The following CAAP1 variants were observed in gnomAD, a reference collection of about 807,000 sequenced individuals.
CAAP1 encodes the protein caspase activity and apoptosis inhibitor 1.
In CAAP1, 20 loss-of-function variants were observed where a neutral mutation model predicts 34.0. The observed-to-expected ratio is 0.59, with a 90% CI of 0.41 to 0.86. CAAP1 has a LOEUF of 0.86. Ranked by LOEUF, CAAP1 falls within the 40% of genes least tolerant of loss-of-function variation. The pLI, the probability that CAAP1 is intolerant of heterozygous loss-of-function variation, is 0.00. For missense variants in CAAP1, 538 were observed against 450.5 expected (o/e 1.19, Z -1.76); for synonymous variants, 213 against 166.7 (o/e 1.28, Z -2.14).
chr9:26,891,025 A>G (rs1230536079), intron 1 of CAAP1, among the ~76,000 whole-genome samples: 1 of 152,228 alleles, frequency 6.6e-6, no homozygotes, highest in Non-Finnish European at 1.5e-5. Flanking sequence ...TCAACAAACC[A>G]AACAGCACTT....
intron 5 of CAAP1, among the ~76,000 whole-genome samples, chr9:26,844,142 G>T (rs181840505): frequency 6.6e-6 from 1 of 152,266 alleles, no homozygotes; most frequent in Admixed American, 6.5e-5. Flanking sequence ...CAGATCACCT[G>T]GGGTCAGGAG....
At chr9:26,868,079 G>C (rs996476278) in intron 4 of CAAP1, among the ~76,000 whole-genome samples, 3 of 152,134 alleles carry the variant, frequency 2.0e-5, no homozygotes, top group Admixed American at 6.5e-5. Context: ...ATACAACTCT[G>C]CTTTTATTTG....
chr9:26,868,890 G>C (rs529129868), intron 4 of CAAP1, among the ~76,000 whole-genome samples: 1 of 152,312 alleles, frequency 6.6e-6, no homozygotes, highest in South Asian at 2.1e-4. Context: ...CTCTGCTTCA[G>C]AGAAACCACA....
intron 5 of CAAP1, among the ~76,000 whole-genome samples, chr9:26,856,619 T>G (rs1822875288): frequency 6.6e-6 from 1 of 152,230 alleles, no homozygotes; most frequent in Non-Finnish European, 1.5e-5. Flanking sequence ...TTATGTGGCC[T>G]GTGTCCAAAC....
chr9:26,882,935 T>G (rs1823633279), intron 4 of CAAP1, among the ~76,000 whole-genome samples: 2 of 152,146 alleles, frequency 1.3e-5, no homozygotes, highest in Middle Eastern at 3.2e-3. Context: ...GGCCTGTAGC[T>G]CCTTCATTTT....
At chr9:26,865,387 G>A (rs577353720) in intron 4 of CAAP1, among the ~76,000 whole-genome samples, 16 of 152,242 alleles carry the variant, frequency 1.1e-4, no homozygotes, top group South Asian at 6.2e-4. Flanking sequence ...GCCAGGTGTG[G>A]TGGCACACGC....
intron 4 of CAAP1, among the ~76,000 whole-genome samples, chr9:26,882,843 C>G (rs763656418): frequency 6.6e-6 from 1 of 152,142 alleles, no homozygotes; most frequent in African/African-American, 2.4e-5. Flanking sequence ...TCAGTGTGAC[C>G]TGGATGTGAG....
chr9:26,858,096 A>G (rs189915482), intron 5 of CAAP1, among the ~76,000 whole-genome samples: 1 of 152,378 alleles, frequency 6.6e-6, no homozygotes. Context: ...TTACTTTCGT[A>G]CTAAATAAGC....
At chr9:26,869,670 T>C (rs1342236781) in intron 4 of CAAP1, among the ~76,000 whole-genome samples, 1 of 152,202 alleles carries the variant, frequency 6.6e-6, no homozygotes, top group Non-Finnish European at 1.5e-5. Flanking sequence ...TTTACATATT[T>C]AAATTACACA....
chr9:26,861,015 C>T (rs778082435), intron 5 of CAAP1, 51 bp downstream of exon 5: 10 of 1,271,260 alleles, frequency 7.9e-6, no homozygotes, highest in Non-Finnish European at 1.1e-5. Flanking sequence ...TGGTAAAATG[C>T]TTCTATTCTT....
At chr9:26,877,333 A>AT (rs1370553707) in intron 4 of CAAP1, among the ~76,000 whole-genome samples, 1 of 152,192 alleles carries the variant, frequency 6.6e-6, no homozygotes, top group Non-Finnish European at 1.5e-5. Context: ...GGCCCCAAGC[A>AT]TTTCCAATAA....
At chr9:26,871,760 C>T (rs1823281166) in intron 4 of CAAP1, among the ~76,000 whole-genome samples, 1 of 151,558 alleles carries the variant, frequency 6.6e-6, no homozygotes, top group East Asian at 1.9e-4. Flanking sequence ...CCCATCTCTA[C>T]TACAAGACAA....
chr9:26,843,473 TTTTC>T (rs1425163429), intron 5 of CAAP1, among the ~76,000 whole-genome samples: 2 of 152,110 alleles, frequency 1.3e-5, no homozygotes, highest in African/African-American at 4.8e-5. Context: ...TTTTCTTGCA[TTTTC>T]TTTTTTTTCT....
Position 26,892,791 on chromosome 9 carries a change from G to A in CAAP1, c.-76C>T, listed in dbSNP as rs1366383570. 7.0e-7 allele frequency: 1 copy of A among 1,422,440 alleles called. No individual in the cohort carries two copies. The highest frequency in any genetic ancestry group is 1.4e-5 in the South Asian group (1 of 73,082). 88.1% of individuals were successfully genotyped at this position (1,422,440 alleles called of 1,614,324 possible). Reference sequence around the variant, plus strand: ...CGAAGCCCGACTCCTGCGGCCGTGGGCGGCAGGCACTGGCGTCGCAGGTTA... The same window carrying A: ...CGAAGCCCGACTCCTGCGGCCGTGGACGGCAGGCACTGGCGTCGCAGGTTA... On this transcript the variant is annotated 5_prime_UTR_variant, in exon 1 of 6. Transcript: ENST00000333916.
intron 4 of CAAP1, among the ~76,000 whole-genome samples, chr9:26,876,598 G>C (rs1224941586): frequency 6.6e-6 from 1 of 150,810 alleles, no homozygotes; most frequent in Non-Finnish European, 1.5e-5. Flanking sequence ...ATAATATTTG[G>C]ATACATAAAT....
At chr9:26,890,576 C>T (rs9775714) in intron 1 of CAAP1, among the ~76,000 whole-genome samples, 1,913 of 152,000 alleles carry the variant, frequency 0.013, 53 homozygotes, top group African/African-American at 0.044. Flanking sequence ...CTAGAACACA[C>T]CAAAAAAACA....
chr9:26,856,132 G>T (rs1013888627), intron 5 of CAAP1, among the ~76,000 whole-genome samples: 2 of 149,812 alleles, frequency 1.3e-5, no homozygotes, highest in African/African-American at 2.5e-5. Flanking sequence ...TTTAAAAGGG[G>T]GGGGGTAGAA....
chr9:26,843,246 T>C (rs1245148791), intron 5 of CAAP1, among the ~76,000 whole-genome samples: 1 of 152,226 alleles, frequency 6.6e-6, no homozygotes, highest in Non-Finnish European at 1.5e-5. Flanking sequence ...AGGATTTTAA[T>C]TAACAAAGTT....
chr9:26,850,187 T>C (rs1822713511), intron 5 of CAAP1, among the ~76,000 whole-genome samples: 1 of 152,214 alleles, frequency 6.6e-6, no homozygotes, highest in African/African-American at 2.4e-5. Context: ...TAATGCTTTA[T>C]CAAAATAGGT....
Sources: gnomAD v4.1 joint callset for allele counts (sites outside exome capture counted in the v4.1 genomes callset) on GRCh38, gnomAD v4.1.1 for gene constraint, MANE v1.5 for transcripts, NCBI Gene and HGNC (gene_info 2026-07-23, HGNC 2026-07-21) for gene names.